SCAPER: variants seen among roughly 807,000 people sequenced by gnomAD.
The protein encoded by SCAPER is S phase cyclin A-associated protein in the endoplasmic reticulum.
Under a neutral mutation model 182.2 loss-of-function variants are expected in SCAPER, and 98 were observed. The observed-to-expected ratio is 0.54, with a 90% CI of 0.46 to 0.64. SCAPER has a LOEUF of 0.64. Among genes scored for constraint, SCAPER ranks in the 30% least tolerant of loss-of-function variants. SCAPER has a pLI of 0.00. For synonymous variants in SCAPER, 605 were observed against 564.6 expected, an observed-to-expected ratio of 1.07 and a Z score of -1.01; for missense variants, 1,432 against 1,690.0, an observed-to-expected ratio of 0.85 and a Z score of 2.68.
At chr15:76,897,810 C>T (rs1246575554) in intron 1 of SCAPER, among the ~76,000 whole-genome samples, 1 of 152,166 alleles carries the variant, frequency 6.6e-6, no homozygotes. Flanking sequence ...CAATTAGGCA[C>T]CTGACAGATT....
intron 14 of SCAPER, among the ~76,000 whole-genome samples, chr15:76,764,404 G>A (rs991267697): frequency 2.7e-5 from 3 of 109,436 alleles, no homozygotes; most frequent in African/African-American, 4.2e-5. Context: ...GAGGCCAGGT[G>A]GAGTTTGGTT....
At chr15:76,666,186 G>T (rs1052849173) in intron 20 of SCAPER, among the ~76,000 whole-genome samples, 3 of 152,168 alleles carry the variant, frequency 2.0e-5, no homozygotes, top group African/African-American at 4.8e-5. Flanking sequence ...GGAAGAGGGG[G>T]AAACTTCAGC....
At chr15:76,373,456 C>T (rs557561556) in intron 29 of SCAPER, among the ~76,000 whole-genome samples, 3 of 152,174 alleles carry the variant, frequency 2.0e-5, no homozygotes, top group Non-Finnish European at 2.9e-5. Flanking sequence ...AAAATCTACA[C>T]GGATGATTTC....
chr15:76,728,573 A>G (rs565931926), intron 17 of SCAPER, 22 bp downstream of exon 17: 4 of 1,612,798 alleles, frequency 2.5e-6, no homozygotes, highest in Admixed American at 1.7e-5. Flanking sequence ...CAAAATGTTC[A>G]TCAAGATAGC....
At chr15:76,733,139 A>G in intron 16 of SCAPER, 90 bp downstream of exon 16, 1 of 1,144,034 alleles carries the variant, frequency 8.7e-7, no homozygotes, top group Non-Finnish European at 1.2e-6. Flanking sequence ...ATCTCCGCAC[A>G]TGGGGAGAAA....
intron 4 of SCAPER, among the ~76,000 whole-genome samples, chr15:76,850,845 G>A (rs1279012088): frequency 2.3e-5 from 3 of 131,772 alleles, no homozygotes; most frequent in African/African-American, 8.6e-5. Context: ...GGGCGAAAGA[G>A]CAAGACTCTG....
At chr15:76,439,086 G>T (rs2047388511) in intron 25 of SCAPER, among the ~76,000 whole-genome samples, 1 of 149,952 alleles carries the variant, frequency 6.7e-6, no homozygotes, top group Admixed American at 6.7e-5. Context: ...GAGACAAAAT[G>T]ATTTTTTTTT....
chr15:76,480,412 C>T lies in SCAPER; in HGVS notation c.2955-9077G>A, dbSNP rs1310177275. On this transcript the variant is annotated intron_variant, in intron 24 of 31. Coordinates refer to ENST00000563290, the MANE Select transcript of SCAPER (RefSeq NM_020843.4). ...CCTGAAGTGAACCTAAGTCAGTGCC[C>T]CTCTCACAGAATGAGACGTAATCTA... Among the ~76,000 whole-genome samples, 4 of 152,144 alleles carry T rather than the reference C, an allele frequency of 2.6e-5. No homozygotes were observed. In the East Asian group the frequency reaches 7.7e-4, roughly 29 times the overall value.
intron 24 of SCAPER, among the ~76,000 whole-genome samples, chr15:76,481,009 G>T (rs1425879000): frequency 1.3e-5 from 2 of 152,144 alleles, no homozygotes. Flanking sequence ...GGGATTACAG[G>T]CATGAGCCAC....
rs186358772 is a variant in SCAPER, at chr15:76,570,988, T to C, written c.2838+3170A>G. On this transcript the variant is annotated intron_variant, in intron 23 of 31. Transcript: ENST00000563290. ...CCTGAGGGTGGGATAAGAAGGTTCA[T>C]GATTATGTGATGGAGTAGGTTAATG... Among the ~76,000 whole-genome samples the C allele has an allele frequency of 1.0e-3, 159 of 152,194 alleles. 2 individuals carry two copies. The highest frequency in any genetic ancestry group is 3.7e-3 in the African/African-American group (155 of 41,536).
At position 76,776,579 on chromosome 15, in the gene SCAPER, G is replaced by A. The variant is rs1379096777; in HGVS notation, c.773-1462C>T. Among the ~76,000 whole-genome samples the A allele has an allele frequency of 2.0e-5, 3 of 152,238 alleles. No individual in the cohort carries two copies. The East Asian group carries it at 5.8e-4, about 29-fold the overall frequency. On this transcript the variant is annotated intron_variant, in intron 8 of 31. Coordinates refer to ENST00000563290, the MANE Select transcript of SCAPER (RefSeq NM_020843.4). ...AGTGGGAGGCAGAAAAAGTAGTGGG[G>A]GGCAGATTTGTTTGACACTGGGATT...
At chr15:76,739,459 T>G (rs1387888870) in intron 15 of SCAPER, among the ~76,000 whole-genome samples, 1 of 152,138 alleles carries the variant, frequency 6.6e-6, no homozygotes, top group Non-Finnish European at 1.5e-5. Flanking sequence ...TTAAATAAAA[T>G]AAAGGTTATG....
intron 2 of SCAPER, among the ~76,000 whole-genome samples, chr15:76,879,190 T>C (rs535562079): frequency 6.6e-6 from 1 of 152,344 alleles, no homozygotes; most frequent in South Asian, 2.1e-4. Flanking sequence ...TTCAGGACAT[T>C]TACACAGAAT....
At position 76,397,600 on chromosome 15, in the gene SCAPER, C is replaced by T. The variant is rs1022518106; in HGVS notation, c.3467+6924G>A. Among the ~76,000 whole-genome samples the T allele has an allele frequency of 3.3e-5, 5 of 151,126 alleles. No homozygotes were observed. In the South Asian group the frequency reaches 1.0e-3, roughly 32 times the overall value. On this transcript the variant is annotated intron_variant, in intron 27 of 31. Transcript: ENST00000563290. ...GGTTCAAGCAATTCTCCTGCCTCAG[C>T]CTCCCCAGTAGCTGGGATTATAGGC...
At chr15:76,598,715 A>T (rs2049688934) in intron 22 of SCAPER, among the ~76,000 whole-genome samples, 1 of 120,042 alleles carries the variant, frequency 8.3e-6, no homozygotes, top group Non-Finnish European at 2.0e-5. Flanking sequence ...AAAACCAAAC[A>T]CCACATGTTC....
At chr15:76,391,902 G>A (rs756345200) in intron 27 of SCAPER, among the ~76,000 whole-genome samples, 2 of 152,138 alleles carry the variant, frequency 1.3e-5, no homozygotes, top group East Asian at 3.8e-4. Context: ...ATATTTCAGA[G>A]GAAAACATCC....
At chr15:76,602,339 G>A (rs1030189448) in intron 22 of SCAPER, among the ~76,000 whole-genome samples, 1 of 121,086 alleles carries the variant, frequency 8.3e-6, no homozygotes, top group African/African-American at 2.5e-5. Flanking sequence ...TAGTTTATCT[G>A]AAAAAGTTTT....
At chr15:76,611,570 A>G (rs758049212) in intron 22 of SCAPER, among the ~76,000 whole-genome samples, 4 of 152,202 alleles carry the variant, frequency 2.6e-5, no homozygotes, top group Non-Finnish European at 5.9e-5. Context: ...CCACCTTAAC[A>G]GATCCTATAA....
chr15:76,375,271 CTT>C (rs113912795), intron 29 of SCAPER, among the ~76,000 whole-genome samples: 1 of 131,640 alleles, frequency 7.6e-6, no homozygotes, highest in Non-Finnish European at 1.6e-5. Context: ...TCTATGAAAT[CTT>C]TTTTTTTTTT....
Sources: allele counts gnomAD v4.1 joint callset (sites outside exome capture counted in the v4.1 genomes callset), GRCh38; gene constraint gnomAD v4.1.1; transcripts MANE v1.5; gene names NCBI Gene and HGNC (gene_info 2026-07-23, HGNC 2026-07-21).